ROCK2: variants seen among roughly 807,000 people sequenced by gnomAD.
ROCK2 encodes Rho associated coiled-coil containing protein kinase 2, also known as rho-associated protein kinase 2.
ROCK2 carries 61 observed loss-of-function variants against 195.1 expected under a neutral mutation model. The observed-to-expected ratio is 0.31, with a 90% confidence interval of 0.25 to 0.39. ROCK2 has a LOEUF of 0.39. Among genes scored for constraint, ROCK2 ranks in the 10% least tolerant of loss-of-function variants. The probability of loss-of-function intolerance (pLI) is 1.00; values close to 1 mark genes in which losing one functional copy is unlikely to be tolerated. For missense variants in ROCK2, 1,109 were observed against 1,637.4 expected (o/e 0.68, Z 5.57); for synonymous variants, 504 against 545.5 (o/e 0.92, Z 1.06).
intron 20 of ROCK2, among the ~76,000 whole-genome samples, chr2:11,204,123 G>A (rs1261480171): frequency 1.3e-5 from 2 of 152,016 alleles, no homozygotes; most frequent in Admixed American, 6.6e-5. Context: ...AATCCTATTC[G>A]CCTAGAAGAA....
At chr2:11,230,432 A>T (rs763743391) in intron 5 of ROCK2, among the ~76,000 whole-genome samples, 2 of 152,212 alleles carry the variant, frequency 1.3e-5, no homozygotes, top group Non-Finnish European at 2.9e-5. Context: ...TAGACAGCAT[A>T]TACGTAGGCC....
At chr2:11,300,413 G>A (rs1452148287) in intron 1 of ROCK2, among the ~76,000 whole-genome samples, 2 of 151,994 alleles carry the variant, frequency 1.3e-5, no homozygotes, top group Non-Finnish European at 2.9e-5. Context: ...ACAGGCACCC[G>A]CCACCACGCC....
At chr2:11,339,934 C>A (rs927063200) in intron 1 of ROCK2, among the ~76,000 whole-genome samples, 2 of 152,046 alleles carry the variant, frequency 1.3e-5, no homozygotes, top group African/African-American at 4.8e-5. Flanking sequence ...TATGTTTTTA[C>A]GCTTCGTAAC....
At chr2:11,329,560 T>C (rs1668653628) in intron 1 of ROCK2, among the ~76,000 whole-genome samples, 1 of 152,122 alleles carries the variant, frequency 6.6e-6, no homozygotes, top group African/African-American at 2.4e-5. Flanking sequence ...AATTTTGTAC[T>C]AGAGTTTCCT....
intron 11 of ROCK2, 72 bp downstream of exon 11, chr2:11,218,383 G>T: frequency 1.7e-6 from 2 of 1,179,874 alleles, no homozygotes; most frequent in South Asian, 3.0e-5. Context: ...GGTAGGATAT[G>T]ACTATATTTA....
Position 11,293,525 on chromosome 2 carries a change from C to T in ROCK2, c.142-5789G>A, listed in dbSNP as rs531457457. 1.5e-3 allele frequency among the ~76,000 whole-genome samples: 231 copies of T among 152,268 alleles called. 1 individual carries two copies. The highest frequency in any genetic ancestry group is 5.3e-3 in the African/African-American group (220 of 41,564). ...AATAGGAATGTTTTTATGACTTTTC[C>T]TTGAGCCTCAGGCTCTAACATGGCT... On this transcript the variant is annotated intron_variant, in intron 1 of 32. Coordinates refer to ENST00000315872, the MANE Select transcript of ROCK2 (RefSeq NM_004850.5).
At chr2:11,194,397 TTTA>T (rs1663546483) in intron 28 of ROCK2, 53 bp from the exon 29 acceptor site, 2 of 648,866 alleles carry the variant, frequency 3.1e-6, no homozygotes, top group Admixed American at 2.9e-5. Context: ...ATATACCTTA[TTTA>T]TTGATTTTTT....
chr2:11,283,658 T>C (rs1572358745), intron 3 of ROCK2, among the ~76,000 whole-genome samples: 1 of 151,522 alleles, frequency 6.6e-6, no homozygotes, highest in South Asian at 2.1e-4. Context: ...TTCCACATCA[T>C]ATGTCATCAG....
intron 8 of ROCK2, 98 bp from the exon 9 acceptor site, chr2:11,221,455 T>C (rs1664635019): frequency 1.2e-6 from 1 of 851,532 alleles, no homozygotes; most frequent in African/African-American, 1.8e-5. Flanking sequence ...AATAACACTA[T>C]ATAAATTTGT....
chr2:11,252,002 T>C (rs1325987326), intron 3 of ROCK2, among the ~76,000 whole-genome samples: 7 of 151,920 alleles, frequency 4.6e-5, no homozygotes. Flanking sequence ...CATTAAAAAG[T>C]CAGGAAACAA....
chr2:11,296,005 G>GGGGAGAGGGGGGGAGGGAGAGAGAGAGA (rs766082679), intron 1 of ROCK2, among the ~76,000 whole-genome samples: 1 of 10,336 alleles, frequency 9.7e-5, no homozygotes, highest in Non-Finnish European at 2.5e-4. Flanking sequence ...GAGAGAGAGA[G>GGGGAGAGGGGGGGAGGGAGAGAGAGAGA]GAGAGAGAGA....
intron 12 of ROCK2, 43 bp downstream of exon 12, chr2:11,217,047 C>T: frequency 2.3e-6 from 2 of 887,936 alleles, no homozygotes; most frequent in Non-Finnish European, 3.5e-6. Context: ...AATGTTTAAA[C>T]TTAAATTTTA....
chr2:11,253,883 G>C (rs1023651462), intron 3 of ROCK2, among the ~76,000 whole-genome samples: 1 of 152,168 alleles, frequency 6.6e-6, no homozygotes, highest in African/African-American at 2.4e-5. Context: ...AGATATGCTG[G>C]TGTCTTCCCC....
chr2:11,205,975 G>T (rs1401968061), intron 20 of ROCK2, among the ~76,000 whole-genome samples: 1 of 152,038 alleles, frequency 6.6e-6, no homozygotes, highest in African/African-American at 2.4e-5. Flanking sequence ...CGGGCATAGT[G>T]GTGGGCACCT....
Position 11,240,214 on chromosome 2 carries a change from A to G in ROCK2, c.463-4252T>C, listed in dbSNP as rs544861950. 2.6e-5 allele frequency among the ~76,000 whole-genome samples: 4 copies of G among 152,144 alleles called. No homozygotes were observed. The South Asian group carries it at 8.3e-4, about 31-fold the overall frequency. On this transcript the variant is annotated intron_variant, in intron 4 of 32. Transcript: ENST00000315872. ...CCCTCTCCCGGGAGGTCTGGCAGCT[A>G]AAAGCCTTAATCTTCTAATCATGTG...
intron 1 of ROCK2, among the ~76,000 whole-genome samples, chr2:11,314,997 A>T (rs998318222): frequency 6.6e-6 from 1 of 152,044 alleles, no homozygotes; most frequent in Non-Finnish European, 1.5e-5. Context: ...TCAATTTGTC[A>T]AACAAGTATC....
At chr2:11,261,271 A>G (rs891730337) in intron 3 of ROCK2, among the ~76,000 whole-genome samples, 5 of 152,202 alleles carry the variant, frequency 3.3e-5, no homozygotes, top group Non-Finnish European at 5.9e-5. Flanking sequence ...TATCTATACC[A>G]TACCTTTATA....
intron 7 of ROCK2, 126 bp from the exon 8 acceptor site, chr2:11,222,300 G>A: frequency 1.8e-6 from 1 of 563,888 alleles, no homozygotes; most frequent in Non-Finnish European, 3.1e-6. Context: ...AAAAGCTTCA[G>A]CTTAAATGTT....
rs1395259128 is a variant in ROCK2 at position 11,249,805 on chromosome 2, A to G, written c.325-7T>C. The G allele has an allele frequency of 6.7e-7, 1 of 1,496,178 alleles. No individual in the cohort carries two copies. The highest frequency in any genetic ancestry group is 8.9e-7 in the Non-Finnish European group (1 of 1,127,074). The allele number at this position is 1,496,178 out of a possible 1,614,324, so 92.7% of individuals were successfully genotyped here. On this transcript the variant is annotated splice_region_variant and splice_polypyrimidine_tract_variant and intron_variant, in intron 3 of 32. Transcript: ENST00000315872. ...GCGATGCCTTGTGACGAACCTGTTG[A>G]TTTTTGAAAACACAAAAATTAATAC...
Sources: allele counts gnomAD v4.1 joint callset (sites outside exome capture counted in the v4.1 genomes callset), GRCh38; gene constraint gnomAD v4.1.1; transcripts MANE v1.5; gene names NCBI Gene and HGNC (gene_info 2026-07-23, HGNC 2026-07-21).